ESF1: variants seen among roughly 807,000 people sequenced by gnomAD.
ESF1 encodes ESF1 nucleolar pre-rRNA processing protein, also known as ESF1 homolog.
Under a neutral mutation model 92.0 loss-of-function variants are expected in ESF1, and 58 were observed. The ratio of observed to expected loss-of-function variants is 0.63; its 90% CI spans 0.51 to 0.78. ESF1 has a LOEUF of 0.78. ESF1 is among the 30% of genes least tolerant of loss of function. ESF1 has a pLI of 0.00. For missense variants in ESF1, 922 were observed against 989.1 expected, an observed-to-expected ratio of 0.93 and a Z score of 0.91; for synonymous variants, 321 against 313.7, an observed-to-expected ratio of 1.02 and a Z score of -0.24.
chr20:13,753,226 T>C (rs534380219), intron 9 of ESF1, among the ~76,000 whole-genome samples: 1 of 152,126 alleles, frequency 6.6e-6, no homozygotes. Context: ...ACTAGTCAGT[T>C]ATTAGTCATT....
At position 13,772,661 on chromosome 20, in the gene ESF1, C is replaced by A. The variant is rs199905894; in HGVS notation, c.1150-46G>T. The A allele has an allele frequency of 1.0e-5, 14 of 1,344,146 alleles. No individual in the cohort carries two copies. The East Asian group carries it at 2.1e-4, about 20-fold the overall frequency. 83.3% of individuals were successfully genotyped at this position (1,344,146 alleles called of 1,614,324 possible). ...TCAATGTAATTTGTACATTCCTTTA[C>A]ACAAATATCTAGACCTGTCGAAGTC... On this transcript the variant is annotated intron_variant, in intron 4 of 13. Transcript: ENST00000617257.
chr20:13,768,108 A>T (rs1337469761), intron 7 of ESF1, among the ~76,000 whole-genome samples: 1 of 152,220 alleles, frequency 6.6e-6, no homozygotes, highest in African/African-American at 2.4e-5. Context: ...TGAATTTTTT[A>T]GACTTTGCTT....
chr20:13,740,392 GA>G (rs1476203480), intron 9 of ESF1, among the ~76,000 whole-genome samples: 2 of 151,212 alleles, frequency 1.3e-5, no homozygotes, highest in African/African-American at 2.4e-5. Context: ...GATAAGACTA[GA>G]AAAAAAATAA....
chr20:13,769,934 GA>G lies in ESF1; in HGVS notation c.1490del (p.Phe497SerfsTer44). 1 of 1,611,262 alleles carries G rather than the reference GA, an allele frequency of 6.2e-7. No homozygotes were observed. Among genetic ancestry groups the G allele is most frequent in the Non-Finnish European group, 8.5e-7 (1 of 1,178,700 alleles). On this transcript the variant is annotated frameshift_variant, in exon 7 of 14. Transcript: ENST00000617257. LOFTEE classifies it high-confidence loss of function. ...VNLTAYKPKY[F>X]TSAAMGTSTV... is the part of the protein sequence containing the mutation. ...TTGATGTTCCCATTGCAGCAGAAGT[GA>G]AATATTTTGGTTTATATGCTGTTAA...
intron 8 of ESF1, among the ~76,000 whole-genome samples, chr20:13,764,330 T>G (rs749893039): frequency 6.6e-6 from 1 of 152,184 alleles, no homozygotes; most frequent in Non-Finnish European, 1.5e-5. Flanking sequence ...AAAGTTGACA[T>G]GAAATTACAA....
intron 10 of ESF1, among the ~76,000 whole-genome samples, chr20:13,733,212 C>T (rs1321692073): frequency 6.6e-6 from 1 of 152,096 alleles, no homozygotes; most frequent in African/African-American, 2.4e-5. Context: ...AGGCATAAGC[C>T]ACCACACCCA....
rs116921251 is a variant in ESF1 at position 13,727,670 on chromosome 20, C to T, written c.2038+708G>A. 2.3e-3 allele frequency among the ~76,000 whole-genome samples: 351 copies of T among 152,164 alleles called. 5 individuals carry two copies. In the East Asian group the frequency reaches 0.023, roughly 10 times the overall value. ...ACCTTACCAAACACATTTACACATA[C>T]GCATTTCCTCCACATAATGGAGGAA... On this transcript the variant is annotated intron_variant, in intron 11 of 13. Transcript: ENST00000617257.
intron 9 of ESF1, among the ~76,000 whole-genome samples, chr20:13,738,243 T>C (rs1349731837): frequency 6.6e-6 from 1 of 152,138 alleles, no homozygotes; most frequent in African/African-American, 2.4e-5. Context: ...CATATGAAGA[T>C]CTGAAGGGTT....
chr20:13,778,763 G>A (rs918427242), intron 2 of ESF1, among the ~76,000 whole-genome samples: 3 of 152,074 alleles, frequency 2.0e-5, no homozygotes, highest in Non-Finnish European at 4.4e-5. Flanking sequence ...ATAAGTATCT[G>A]CAGCCGAGCA....
At chr20:13,760,327 C>A (rs575897181) in intron 8 of ESF1, among the ~76,000 whole-genome samples, 1 of 150,152 alleles carries the variant, frequency 6.7e-6, no homozygotes, top group African/African-American at 2.5e-5. Flanking sequence ...TCTTCCCGGC[C>A]GCCATCCCAT....
At chr20:13,718,008 T>C (rs534637229) in intron 12 of ESF1, among the ~76,000 whole-genome samples, 3 of 151,960 alleles carry the variant, frequency 2.0e-5, no homozygotes, top group East Asian at 1.9e-4. Flanking sequence ...TCTATGAAGG[T>C]AGGACCTTAG....
At chr20:13,771,555 A>G in intron 5 of ESF1, 72 bp from the exon 6 acceptor site, 2 of 1,263,342 alleles carry the variant, frequency 1.6e-6, no homozygotes, top group Admixed American at 2.1e-5. Context: ...AATAAATGTA[A>G]TTCTTTCAAG....
chr20:13,759,000 A>C (rs1979029228), intron 9 of ESF1, among the ~76,000 whole-genome samples: 1 of 152,222 alleles, frequency 6.6e-6, no homozygotes, highest in East Asian at 1.9e-4. Flanking sequence ...AGAGATTAAC[A>C]ACACCAACAA....
At chr20:13,746,121 T>C (rs777751623) in intron 9 of ESF1, among the ~76,000 whole-genome samples, 1 of 152,092 alleles carries the variant, frequency 6.6e-6, no homozygotes, top group Admixed American at 6.5e-5. Context: ...TGTGCCACCA[T>C]GCCTGGCTAA....
chr20:13,782,223 A>T (rs931657030), intron 2 of ESF1, among the ~76,000 whole-genome samples: 1 of 152,184 alleles, frequency 6.6e-6, no homozygotes, highest in Non-Finnish European at 1.5e-5. Flanking sequence ...GTGATGACAT[A>T]TAACACTTTA....
At position 13,775,876 on chromosome 20, in the gene ESF1, A is replaced by C. The variant is rs765872478; in HGVS notation, c.1032T>G (p.Asp344Glu). The change falls in exon 3 of 14, where the codon GAT becomes GAG. Residue 344 changes from aspartate (D) to glutamate (E), a missense_variant. Asp to Glu is a conservative substitution (Grantham distance 45). Transcript: ENST00000617257. ...RELDKDAPRA[D>E]EITRRLAVCN... ...TCTTGTTTATTCAAAAGGTTACCTC[A>C]TCAGCACGAGGAGCATCTTTATCTA... 2 of 1,598,798 alleles carry C rather than the reference A, an allele frequency of 1.3e-6. No homozygotes were observed. The highest frequency in any genetic ancestry group is 3.5e-5 in the Admixed American group (2 of 57,936).
At chr20:13,722,628 T>A (rs531303434) in intron 11 of ESF1, among the ~76,000 whole-genome samples, 1 of 152,056 alleles carries the variant, frequency 6.6e-6, no homozygotes, top group East Asian at 1.9e-4. Context: ...AGGAGGAAGA[T>A]TGCTTGAAGC....
At chr20:13,744,704 C>T (rs1357946343) in intron 9 of ESF1, among the ~76,000 whole-genome samples, 1 of 152,226 alleles carries the variant, frequency 6.6e-6, no homozygotes, top group Non-Finnish European at 1.5e-5. Context: ...CCTAGGATAA[C>T]ACATGGTGAC....
At position 13,714,661 on chromosome 20, in the gene ESF1, T is replaced by G. The variant is rs1453564449; in HGVS notation, c.*213A>C. On this transcript the variant is annotated 3_prime_UTR_variant, in exon 14 of 14. Coordinates refer to ENST00000617257, the MANE Select transcript of ESF1 (RefSeq NM_001276380.2). ...TATAAACCCTATAATGCAGGTAATT[T>G]AATTATGACTGATCTGTAGGAATAT... is the stretch of plus-strand genomic sequence containing the variant. The G allele has an allele frequency of 6.8e-6, 3 of 439,738 alleles. No individual in the cohort carries two copies. The East Asian group carries it at 1.1e-4, about 16-fold the overall frequency. The allele number at this position is 439,738 out of a possible 1,614,324, so 27.2% of individuals were successfully genotyped here. A position where few individuals can be genotyped will look rare whatever the true frequency, so the allele number is the denominator to read the frequency against.
Sources: gnomAD v4.1 joint callset for allele counts (sites outside exome capture counted in the v4.1 genomes callset) on GRCh38, gnomAD v4.1.1 for gene constraint, MANE v1.5 for transcripts, NCBI Gene and HGNC (gene_info 2026-07-23, HGNC 2026-07-21) for gene names.